CPQ: variants seen among roughly 807,000 people sequenced by gnomAD.
CPQ encodes the protein Ser-Met dipeptidase.
A neutral mutation model predicts 45.7 loss-of-function variants in CPQ; 37 were observed. The observed-to-expected ratio is 0.81, with a 90% CI of 0.62 to 1.07. The LOEUF (loss-of-function observed/expected upper bound fraction) is 1.07. CPQ is among the 50% of genes least tolerant of loss of function. CPQ has a pLI of 0.00. For missense variants in CPQ, 537 were observed against 572.9 expected (o/e 0.94, Z 0.64); for synonymous variants, 186 against 205.8 (o/e 0.90, Z 0.82).
intron 6 of CPQ, among the ~76,000 whole-genome samples, chr8:97,043,566 A>G (rs1002434234): frequency 1.3e-5 from 2 of 152,276 alleles, no homozygotes; most frequent in East Asian, 1.9e-4. Context: ...TAGTTGATGC[A>G]GTTTCTTCCT....
chr8:96,733,555 C>T (rs1371978436), intron 1 of CPQ, among the ~76,000 whole-genome samples: 1 of 151,982 alleles, frequency 6.6e-6, no homozygotes, highest in East Asian at 1.9e-4. Context: ...CTTTTAACAG[C>T]CCTGCAAATA....
chr8:97,005,088 C>CTT (rs537686336), intron 5 of CPQ, among the ~76,000 whole-genome samples: 1 of 145,720 alleles, frequency 6.9e-6, no homozygotes, highest in Non-Finnish European at 1.5e-5. Context: ...TATTTATGAT[C>CTT]TTTTTTTTTT....
At chr8:96,976,422 C>G (rs553673888) in intron 5 of CPQ, among the ~76,000 whole-genome samples, 1 of 152,048 alleles carries the variant, frequency 6.6e-6, no homozygotes, top group African/African-American at 2.4e-5. Context: ...AATGACCATA[C>G]TGCCAAAAGC....
chr8:97,128,413 A>G (rs1003558910), intron 7 of CPQ, among the ~76,000 whole-genome samples: 11 of 152,344 alleles, frequency 7.2e-5, no homozygotes, highest in African/African-American at 2.4e-4. Context: ...GGCCAGGCAC[A>G]GTGGCTCAAG....
In CPQ at chr8:97,104,824, G is replaced by A. The variant is rs138848979; in HGVS notation, c.1256-38196G>A. 1.7e-3 allele frequency among the ~76,000 whole-genome samples: 264 copies of A among 152,304 alleles called. 2 individuals are homozygous for A. The highest frequency in any genetic ancestry group is 4.8e-3 in the African/African-American group (198 of 41,574). ...AGTCTAGGTCATCATCCCTGAGGGT[G>A]AAGTCTACAGGACTAATTGGATTCT... On this transcript the variant is annotated intron_variant, in intron 7 of 7. Coordinates refer to ENST00000220763, the MANE Select transcript of CPQ (RefSeq NM_016134.4).
At chr8:96,959,196 G>A (rs903567648) in intron 4 of CPQ, among the ~76,000 whole-genome samples, 1 of 152,132 alleles carries the variant, frequency 6.6e-6, no homozygotes, top group Non-Finnish European at 1.5e-5. Context: ...GCCCACCTGT[G>A]TTTAGATTTT....
intron 1 of CPQ, among the ~76,000 whole-genome samples, chr8:96,729,774 A>G (rs1054806298): frequency 3.9e-5 from 6 of 152,178 alleles, no homozygotes; most frequent in African/African-American, 1.2e-4. Flanking sequence ...AAATTGCTCA[A>G]TTGTCCCCAA....
intron 3 of CPQ, among the ~76,000 whole-genome samples, chr8:96,878,787 A>C (rs1812181761): frequency 6.6e-6 from 1 of 152,214 alleles, no homozygotes; most frequent in Non-Finnish European, 1.5e-5. Context: ...GGGTGAAAGG[A>C]GGAGGAGGGC....
At chr8:96,649,763 A>T (rs1371329707) in intron 1 of CPQ, among the ~76,000 whole-genome samples, 3 of 152,242 alleles carry the variant, frequency 2.0e-5, no homozygotes, top group Non-Finnish European at 4.4e-5. Flanking sequence ...GTCTAAAAAG[A>T]CACATCAATT....
chr8:96,975,557 C>A (rs1010164314), intron 5 of CPQ, among the ~76,000 whole-genome samples: 1 of 151,780 alleles, frequency 6.6e-6, no homozygotes, highest in African/African-American at 2.4e-5. Context: ...AAACTACAGA[C>A]CAATATCCCT....
At chr8:96,744,001 C>T (rs370616678) in intron 1 of CPQ, among the ~76,000 whole-genome samples, 1 of 152,248 alleles carries the variant, frequency 6.6e-6, no homozygotes, top group African/African-American at 2.4e-5. Flanking sequence ...TGGTGGGCTC[C>T]ACCCAGTTCG....
chr8:96,737,355 G>GATAGATATATATATAT (rs1554561434), intron 1 of CPQ, among the ~76,000 whole-genome samples: 1 of 118,000 alleles, frequency 8.5e-6, no homozygotes, highest in Non-Finnish European at 1.7e-5. Flanking sequence ...ACTAATAGGA[G>GATAGATATATATATAT]ATATATATAT....
At position 97,029,459 on chromosome 8, in the gene CPQ, G is replaced by A. The variant is rs764906172; in HGVS notation, c.1018G>A (p.Gly340Arg). The A allele has an allele frequency of 2.5e-5, 41 of 1,609,656 alleles. No individual in the cohort carries two copies. Among genetic ancestry groups the A allele is most frequent in the Non-Finnish European group, 3.3e-5 (39 of 1,177,918 alleles). The stretch of plus-strand genomic sequence containing the variant: ...GCTCTGGACTGCAGAAGAACAAGGT[G>A]GAGTTGGTGCCTTCCAGTATTATCA... ...LVLWTAEEQG[G>R]VGAFQYYQLH... is the part of the protein sequence containing the mutation. The change falls in exon 6 of 8, where the codon GGA becomes AGA. Residue 340 changes from glycine to arginine, a missense_variant. Gly to Arg is a moderately radical substitution (Grantham distance 125). Transcript: ENST00000220763.
chr8:96,955,156 C>A (rs187984739), intron 4 of CPQ, among the ~76,000 whole-genome samples: 214 of 152,186 alleles, frequency 1.4e-3, no homozygotes, highest in African/African-American at 4.9e-3. Flanking sequence ...GGTTCTAGAT[C>A]CCTGAGGAAT....
intron 4 of CPQ, among the ~76,000 whole-genome samples, chr8:96,930,978 C>T (rs555701994): frequency 3.9e-5 from 6 of 152,290 alleles, no homozygotes; most frequent in South Asian, 2.1e-4. Flanking sequence ...GCTGAACCTC[C>T]AAAACAGAGG....
intron 4 of CPQ, among the ~76,000 whole-genome samples, chr8:96,926,540 TTCTTCCTCTTCCTCTTCC>T (rs760348999): frequency 7.8e-6 from 1 of 127,438 alleles, no homozygotes; most frequent in Non-Finnish European, 1.6e-5. Flanking sequence ...CTTTTTCTTC[TTCTTCCTCTTCCTCTTCC>T]TCTTCCTCTT....
chr8:97,085,137 A>T (rs1021842031), intron 7 of CPQ, among the ~76,000 whole-genome samples: 1 of 152,028 alleles, frequency 6.6e-6, no homozygotes, highest in African/African-American at 2.4e-5. Context: ...TAATACCAGC[A>T]ATTTGAGAGG....
At chr8:96,866,903 C>T (rs1217464722) in intron 3 of CPQ, among the ~76,000 whole-genome samples, 2 of 152,064 alleles carry the variant, frequency 1.3e-5, no homozygotes, top group South Asian at 2.1e-4. Context: ...TTATAAAATG[C>T]CATTTTACCA....
At chr8:96,698,508 G>A (rs1158855272) in intron 1 of CPQ, among the ~76,000 whole-genome samples, 1 of 152,022 alleles carries the variant, frequency 6.6e-6, no homozygotes, top group East Asian at 1.9e-4. Context: ...TGGAATCACA[G>A]TAAGTCAAAA....
Sources: allele counts gnomAD v4.1 joint callset (sites outside exome capture counted in the v4.1 genomes callset), GRCh38; gene constraint gnomAD v4.1.1; transcripts MANE v1.5; gene names NCBI Gene and HGNC (gene_info 2026-07-23, HGNC 2026-07-21).